Variants in TLE3 observed in about 807,000 individuals in gnomAD.
TLE3 encodes transducin-like enhancer protein 3.
A neutral mutation model predicts 93.0 loss-of-function variants in TLE3; 14 were observed. The observed-to-expected ratio is 0.15, with a 90% CI of 0.10 to 0.24. TLE3 has a LOEUF of 0.24. Ranked by LOEUF, TLE3 falls within the 10% of genes least tolerant of loss-of-function variation. The probability of loss-of-function intolerance (pLI) is 1.00; values close to 1 mark genes in which losing one functional copy is unlikely to be tolerated. For missense variants in TLE3, 693 were observed against 1,046.6 expected (o/e 0.66, Z 4.66); for synonymous variants, 451 against 425.0 (o/e 1.06, Z -0.75).
intron 1 of TLE3, chr15:70,096,516 G>T: frequency 8.0e-7 from 1 of 1,256,096 alleles, no homozygotes; most frequent in South Asian, 1.3e-5. Flanking sequence ...CAAGCCGGGT[G>T]AGTTGGGAGA....
At chr15:70,051,883 C>T (rs2055579533) in intron 18 of TLE3, among the ~76,000 whole-genome samples, 1 of 152,170 alleles carries the variant, frequency 6.6e-6, no homozygotes, top group South Asian at 2.1e-4. Flanking sequence ...AGCAGGAACT[C>T]GGCCAGGGCT....
chr15:70,078,045 G>C (rs976573503), intron 4 of TLE3, among the ~76,000 whole-genome samples: 2 of 152,184 alleles, frequency 1.3e-5, no homozygotes, highest in Admixed American at 6.5e-5. Flanking sequence ...TCTGTGCACT[G>C]CAGGGCTTTT....
rs573211383 is a variant in TLE3, at chr15:70,057,654, C to T, written c.1056G>A (p.Ser352=). ...GKPPGMDPIA[S]ALRTPISITS... Reference sequence around the variant, plus strand: ...TGATGGAGATGGGCGTGCGCAGAGCCGAGGCTGCGAGGGGTGGGCGTCAGG... The same window carrying T: ...TGATGGAGATGGGCGTGCGCAGAGCTGAGGCTGCGAGGGGTGGGCGTCAGG... Residue 352 remains serine (S), a synonymous_variant, in exon 13 of 20, where the codon TCG becomes TCA. Coordinates refer to ENST00000451782, the MANE Select transcript of TLE3 (RefSeq NM_001105192.3). 47 of 1,568,400 alleles carry T rather than the reference C, an allele frequency of 3.0e-5. No homozygotes were observed. In the South Asian group the frequency reaches 3.7e-4, roughly 12 times the overall value.
At chr15:70,053,617 T>A in intron 16 of TLE3, 1 of 367,230 alleles carries the variant, frequency 2.7e-6, no homozygotes, top group Non-Finnish European at 4.8e-6. Context: ...GGGGGGGAGG[T>A]GAAAAAGGGA....
chr15:70,058,568 T>G lies in TLE3; in HGVS notation c.918+95A>C, dbSNP rs1167471510. Reference sequence around the variant, plus strand: ...ACCGGGGCCAATCACCCACCCAGCTTCTCCCACTCCACCCCTCTGCCTGCC... The same window carrying G: ...ACCGGGGCCAATCACCCACCCAGCTGCTCCCACTCCACCCCTCTGCCTGCC... On this transcript the variant is annotated intron_variant, in intron 11 of 19. Transcript: ENST00000451782. This position sits in a 1 kb window ranked among gnomAD's most constrained non-coding sequence, Gnocchi z 4.1. 1.4e-6 allele frequency: 2 copies of G among 1,466,832 alleles called. No homozygotes were observed. The highest frequency in any genetic ancestry group is 1.8e-6 in the Non-Finnish European group (2 of 1,106,548). 90.9% of individuals were successfully genotyped at this position (1,466,832 alleles called of 1,614,324 possible).
At chr15:70,086,822 CTGCTT>C (rs561630577) in intron 4 of TLE3, among the ~76,000 whole-genome samples, 190 of 152,294 alleles carry the variant, frequency 1.2e-3, no homozygotes, top group Non-Finnish European at 2.4e-3. Flanking sequence ...TTCCGCATCT[CTGCTT>C]TGTCATCTCT....
chr15:70,086,799 C>A (rs1175871729), intron 4 of TLE3, among the ~76,000 whole-genome samples: 1 of 152,158 alleles, frequency 6.6e-6, no homozygotes, highest in East Asian at 1.9e-4. Flanking sequence ...TTCACCCACT[C>A]AGCACTTGTC....
Position 70,097,370 on chromosome 15 carries a change from A to G in TLE3, c.-572T>C. ...TGGCTTGGGGCCGCAGGAGCGCCGG[A>G]GGGTGAGGGCGGGAGCCCGGCGCGG... On this transcript the variant is annotated 5_prime_UTR_variant, in exon 1 of 20. Transcript: ENST00000451782. The G allele has an allele frequency of 2.5e-6, 1 of 405,462 alleles. No homozygotes were observed. Among genetic ancestry groups the G allele is most frequent in the Non-Finnish European group, 4.3e-6 (1 of 230,460 alleles). The allele number at this position is 405,462 out of a possible 1,614,324, so 25.1% of individuals were successfully genotyped here. A position where few individuals can be genotyped will look rare whatever the true frequency, so the allele number is the denominator to read the frequency against.
Position 70,050,019 on chromosome 15 carries a change from G to A in TLE3, c.*78C>T, listed in dbSNP as rs2055378285. On this transcript the variant is annotated 3_prime_UTR_variant, in exon 20 of 20. Coordinates refer to ENST00000451782, the MANE Select transcript of TLE3 (RefSeq NM_001105192.3). ...GCGGCCCATCCTCCGCCATCCTCGG[G>A]GCCCCTCGCCTGGGGGTCTCCCTGT... 3.0e-6 allele frequency: 4 copies of A among 1,316,408 alleles called. No individual in the cohort carries two copies. The highest frequency in any genetic ancestry group is 4.4e-6 in the Non-Finnish European group (4 of 917,262). 81.5% of individuals were successfully genotyped at this position (1,316,408 alleles called of 1,614,324 possible). A position where few individuals can be genotyped will look rare whatever the true frequency, so the allele number is the denominator to read the frequency against.
intron 16 of TLE3, 33 bp from the exon 17 acceptor site, chr15:70,053,407 C>T (rs774104201): frequency 3.8e-6 from 6 of 1,579,512 alleles, no homozygotes; most frequent in Non-Finnish European, 5.2e-6. Context: ...AGGGTGAGTC[C>T]CGGGAACCAC....
intron 4 of TLE3, among the ~76,000 whole-genome samples, 198 bp downstream of exon 4, chr15:70,094,334 T>TA (rs2058446979): frequency 6.6e-6 from 1 of 150,908 alleles, no homozygotes; most frequent in African/African-American, 2.4e-5. Context: ...GCTCAAATGC[T>TA]AAAAGCTCAA....
chr15:70,054,782 G>C, intron 15 of TLE3, 97 bp from the exon 16 acceptor site: 7 of 1,427,172 alleles, frequency 4.9e-6, no homozygotes, highest in Non-Finnish European at 6.5e-6. Flanking sequence ...CACCAGTCCT[G>C]CTTACAGCCT....
At position 70,089,695 on chromosome 15, in the gene TLE3, A is replaced by G. The variant is rs2058215230; in HGVS notation, c.234+4837T>C. The stretch of plus-strand genomic sequence containing the variant: ...AGACGAGGAATGAGTGCCAGATCAC[A>G]GGGGAAAACACTGCCAAGCTTAGGT... On this transcript the variant is annotated intron_variant, in intron 4 of 19. Coordinates refer to ENST00000451782, the MANE Select transcript of TLE3 (RefSeq NM_001105192.3). Among the ~76,000 whole-genome samples, 2 of 152,234 alleles carry G rather than the reference A, an allele frequency of 1.3e-5. 1 individual carries two copies. The highest frequency in any genetic ancestry group is 4.1e-4 in the South Asian group (2 of 4,832).
chr15:70,070,495 C>T (rs1397668873), intron 6 of TLE3, among the ~76,000 whole-genome samples: 3 of 152,194 alleles, frequency 2.0e-5, no homozygotes, highest in Admixed American at 6.5e-5. Flanking sequence ...GTAAAATGAA[C>T]ACTTCCTGCC....
intron 6 of TLE3, among the ~76,000 whole-genome samples, chr15:70,067,683 G>A (rs934069325): frequency 6.6e-6 from 1 of 152,206 alleles, no homozygotes; most frequent in Non-Finnish European, 1.5e-5. Flanking sequence ...TCTGGCAGGA[G>A]GAGGCAGTAA....
chr15:70,070,240 A>G (rs1209681419), intron 6 of TLE3, among the ~76,000 whole-genome samples: 2 of 152,272 alleles, frequency 1.3e-5, no homozygotes, highest in Non-Finnish European at 2.9e-5. Flanking sequence ...CACACAAGTG[A>G]TAAGCACCCA....
chr15:70,050,953 C>T (rs542535471), intron 19 of TLE3: 8 of 163,082 alleles, frequency 4.9e-5, no homozygotes, highest in African/African-American at 1.9e-4. Context: ...TCCTCTCTTT[C>T]CTGTCCATGT....
chr15:70,060,750 G>C, intron 8 of TLE3, 101 bp from the exon 9 acceptor site: 1 of 1,557,942 alleles, frequency 6.4e-7, no homozygotes, highest in Non-Finnish European at 8.7e-7. Context: ...GGTCAGGGGA[G>C]GGAAGAGAAG....
intron 13 of TLE3, among the ~76,000 whole-genome samples, chr15:70,056,840 C>T (rs1436940491): frequency 6.6e-6 from 1 of 152,206 alleles, no homozygotes; most frequent in Non-Finnish European, 1.5e-5. Context: ...TGGCTCACTG[C>T]AACCTCTGCC....
Sources: allele counts gnomAD v4.1 joint callset (sites outside exome capture counted in the v4.1 genomes callset), GRCh38; gene constraint gnomAD v4.1.1; non-coding constraint Gnocchi (gnomAD v3.1); transcripts MANE v1.5; gene names NCBI Gene and HGNC (gene_info 2026-07-23, HGNC 2026-07-21).